The following FASTK variants were observed in gnomAD, a reference collection of about 807,000 sequenced individuals.
The protein encoded by FASTK is fas-activated serine/threonine kinase.
In FASTK, 28 loss-of-function variants were observed where a neutral mutation model predicts 60.0. The ratio of observed to expected loss-of-function variants is 0.47; its 90% CI spans 0.35 to 0.64. FASTK has a LOEUF of 0.64. FASTK is among the 30% of genes least tolerant of loss of function. The pLI is 0.01. For missense variants in FASTK, 595 were observed against 713.8 expected, an observed-to-expected ratio of 0.83 and a Z score of 1.90; for synonymous variants, 325 against 307.9, an observed-to-expected ratio of 1.06 and a Z score of -0.58.
At chr7:151,080,639 GCTCCCGCTGCC>G in intron 1 of FASTK, 35 bp downstream of exon 1, 1 of 1,416,386 alleles carries the variant, frequency 7.1e-7, no homozygotes. Flanking sequence ...GCTAACACCA[GCTCCCGCTGCC>G]CTCCCGCAGC....
chr7:151,076,775 T>TC lies in FASTK; in HGVS notation c.1599dup (p.Arg534GlufsTer14). On this transcript the variant is annotated frameshift_variant, in exon 10 of 10. Transcript: ENST00000297532. LOFTEE classifies it high-confidence loss of function. Reference sequence around the variant, plus strand: ...AGGCCCAGGGCCTGGAGCTTCTGCCTCAGGTAGCTCTTGAGCTGGGGCAGG... The same window carrying TC: ...AGGCCCAGGGCCTGGAGCTTCTGCCTCCAGGTAGCTCTTGAGCTGGGGCAGG... 6.2e-7 allele frequency: 1 copy of TC among 1,611,994 alleles called. No homozygotes were observed. Among genetic ancestry groups the TC allele is most frequent in the Non-Finnish European group, 8.5e-7 (1 of 1,179,286 alleles).
intron 2 of FASTK, 105 bp downstream of exon 2, chr7:151,079,395 G>A (rs1797854671): frequency 8.5e-7 from 1 of 1,171,332 alleles, no homozygotes; most frequent in Non-Finnish European, 1.2e-6. Flanking sequence ...AGCGTTCCTG[G>A]GCAAACGCCT....
chr7:151,078,726 G>A (rs1326769709), intron 3 of FASTK, 25 bp from the exon 4 acceptor site: 9 of 1,612,158 alleles, frequency 5.6e-6, no homozygotes, highest in Non-Finnish European at 7.6e-6. Context: ...CTGTCACGCT[G>A]GGCCTCAGCC....
chr7:151,077,050 CAG>C (rs1797693905), intron 8 of FASTK, 23 bp from the exon 9 acceptor site: 2 of 1,610,380 alleles, frequency 1.2e-6, no homozygotes, highest in Admixed American at 1.7e-5. Flanking sequence ...GGACGTGGCT[CAG>C]GGCATGGCGG....
chr7:151,078,072 C>T lies in FASTK; in HGVS notation c.846G>A (p.Leu282=), dbSNP rs1035032655. 1 of 1,595,804 alleles carries T rather than the reference C, an allele frequency of 6.3e-7. No individual in the cohort carries two copies. Among genetic ancestry groups the T allele is most frequent in the Non-Finnish European group, 8.6e-7 (1 of 1,165,660 alleles). The change falls in exon 5 of 10, where the codon CTG becomes CTA. Residue 282 remains leucine, a synonymous_variant. Transcript: ENST00000297532. ...GCAGGTAGTTCAGTCGCCCAAAGGG[C>T]AGGACCAACTTCTGTACCACCTGTG... is the stretch of plus-strand genomic sequence containing the variant. ...LSSKVVQKLV[L]PFGRLNYLPL...
chr7:151,076,993 A>G lies in FASTK; in HGVS notation c.1462T>C (p.Cys488Arg). The stretch of plus-strand genomic sequence containing the variant: ...CCCAGCAGCACCCGGCCGTCCCGGC[A>G]GAAATGCCAGCGTTCCCGCAACACC... ...VLVLRERWHF[C>R]RDGRVLLGSR... Residue 488 changes from cysteine to arginine, a missense_variant, in exon 9 of 10, where the codon TGC becomes CGC. Physicochemically the swap from Cys to Arg is radical, Grantham distance 180. Around this residue, in one of 2 missense-constraint regions of FASTK, gnomAD observed 471 missense variants for 605.9 expected, o/e 0.78. Coordinates refer to ENST00000297532, the MANE Select transcript of FASTK (RefSeq NM_006712.5). 6.2e-7 allele frequency: 1 copy of G among 1,612,562 alleles called. No homozygotes were observed.
chr7:151,079,653 G>A lies in FASTK; in HGVS notation c.352C>T (p.Leu118Phe), dbSNP rs1797872265. 6.2e-7 allele frequency: 1 copy of A among 1,613,032 alleles called. No individual in the cohort carries two copies. Among genetic ancestry groups the A allele is most frequent in the Non-Finnish European group, 8.5e-7 (1 of 1,179,850 alleles). ...CCCAAGAGCTGGCCCAGACGACGAA[G>A]CGCCACCGAGTAGTGGTGGGCGCGC... ...KVRAHHYSVA[L>F]RRLGQLLGSR... The change falls in exon 2 of 10, where the codon CTT (leucine) becomes TTT (phenylalanine). Residue 118 changes from leucine to phenylalanine, a missense_variant. Coordinates refer to ENST00000297532, the MANE Select transcript of FASTK (RefSeq NM_006712.5).
chr7:151,079,215 G>A, intron 2 of FASTK, 194 bp from the exon 3 acceptor site: 1 of 592,462 alleles, frequency 1.7e-6, no homozygotes, highest in Non-Finnish European at 2.9e-6. Flanking sequence ...TTTGTAGGGA[G>A]TACATACAAA....
Position 151,080,712 on chromosome 7 carries a change from C to G in FASTK, c.55G>C (p.Ala19Pro). ...GPRAPRPTEG[A>P]TCAGPGESWS... ...GACTCCCCGGGCCCTGCGCAGGTCG[C>G]TCCCTCAGTCGGTCTCGGGGCCCGG... The change falls in exon 1 of 10, where the codon GCG (alanine) becomes CCG (proline). Residue 19 changes from alanine to proline, a missense_variant. Physicochemically the swap from Ala to Pro is conservative, Grantham distance 27. Coordinates refer to ENST00000297532, the MANE Select transcript of FASTK (RefSeq NM_006712.5). The G allele has an allele frequency of 7.3e-7, 1 of 1,370,110 alleles. No homozygotes were observed. The highest frequency in any genetic ancestry group is 9.4e-7 in the Non-Finnish European group (1 of 1,063,870). 84.9% of individuals were successfully genotyped at this position (1,370,110 alleles called of 1,614,324 possible).
Position 151,078,914 on chromosome 7 carries a change from C to A in FASTK, c.613G>T (p.Gly205Trp). The A allele has an allele frequency of 6.3e-7, 1 of 1,582,782 alleles. No individual in the cohort carries two copies. The highest frequency in any genetic ancestry group is 8.5e-7 in the Non-Finnish European group (1 of 1,170,028). The change falls in exon 3 of 10, where the codon GGG becomes TGG. Residue 205 changes from glycine to tryptophan, a missense_variant. Coordinates refer to ENST00000297532, the MANE Select transcript of FASTK (RefSeq NM_006712.5). The stretch of plus-strand genomic sequence containing the variant: ...GGGCAGCTTAGAGCAGCTTCCAACC[C>A]TTGCCCACCTCGGAGAAGGGGCTGC... Reference protein sequence around the residue: ...PLQPLLRGGQGLEAALSCPRF... With the variant: ...PLQPLLRGGQWLEAALSCPRF...
At chr7:151,079,442 C>T (rs1323080024) in intron 2 of FASTK, 58 bp downstream of exon 2, 2 of 1,485,076 alleles carry the variant, frequency 1.3e-6, no homozygotes, top group Non-Finnish European at 1.8e-6. Context: ...CTCTACTGTT[C>T]TCCCTATTCT....
chr7:151,079,327 G>A (rs1797849108), intron 2 of FASTK, 173 bp downstream of exon 2: 4 of 675,792 alleles, frequency 5.9e-6, no homozygotes, highest in South Asian at 2.2e-5. Context: ...TAGCGAGGCC[G>A]GAAGGAGTGC....
rs7262 is a variant in FASTK at position 151,076,720 on chromosome 7, A to T, written c.*5T>A. On this transcript the variant is annotated 3_prime_UTR_variant, in exon 10 of 10. Transcript: ENST00000297532. ...GGGGGCCATCCTGAACCCCACATCA[A>T]CCCCTCAGCCCCCTTCAGGCCCCCA... The T allele has an allele frequency of 0.52, 802,354 of 1,541,900 alleles. 215,468 individuals are homozygous for T. The highest frequency in any genetic ancestry group is 0.85 in the African/African-American group (61,358 of 72,334).
intron 2 of FASTK, 126 bp downstream of exon 2, chr7:151,079,374 G>A (rs1047718378): frequency 1.1e-6 from 1 of 923,914 alleles, no homozygotes; most frequent in African/African-American, 1.7e-5. Flanking sequence ...CATAGGACGG[G>A]AGCAGGAGCA....
At position 151,078,009 on chromosome 7, in the gene FASTK, G is replaced by A. The variant is rs767998321; in HGVS notation, c.909C>T (p.Ile303=). ...GTGCCACCCCTGCTTCCCGAGCCAG[G>A]ATCCTCTCAAGGCAGGGCATAAACT... ...EQQFMPCLER[I]LAREAGVAPL... is the part of the protein sequence containing the mutation. Residue 303 remains isoleucine (I), a synonymous_variant, in exon 5 of 10, where the codon ATC becomes ATT. Coordinates refer to ENST00000297532, the MANE Select transcript of FASTK (RefSeq NM_006712.5). The A allele has an allele frequency of 2.5e-6, 4 of 1,612,594 alleles. No homozygotes were observed. The Admixed American group carries it at 5.0e-5, about 20-fold the overall frequency.
At chr7:151,079,321 G>A (rs1001844773) in intron 2 of FASTK, 179 bp downstream of exon 2, 10 of 655,526 alleles carry the variant, frequency 1.5e-5, no homozygotes, top group South Asian at 6.7e-5. Flanking sequence ...GCACCCTAGC[G>A]AGGCCGGAAG....
At chr7:151,078,445 G>A in intron 4 of FASTK, 117 bp downstream of exon 4, 15 of 1,159,156 alleles carry the variant, frequency 1.3e-5, no homozygotes, top group Non-Finnish European at 1.8e-5. Flanking sequence ...CAGGTCCCAG[G>A]GGACAGAGAG....
At position 151,076,985 on chromosome 7, in the gene FASTK, G is replaced by C. The variant is rs768577800; in HGVS notation, c.1470C>G (p.Asp490Glu). The C allele has an allele frequency of 1.2e-6, 2 of 1,612,422 alleles. No homozygotes were observed. The highest frequency in any genetic ancestry group is 1.1e-5 in the South Asian group (1 of 91,066). Residue 490 changes from aspartate (D) to glutamate (E), a missense_variant, in exon 9 of 10, where the codon GAC becomes GAG. This residue lies in a region of FASTK where 471 missense variants were observed against 605.9 expected (regional missense o/e 0.78). Transcript: ENST00000297532. ...VLRERWHFCR[D>E]GRVLLGSRAL... is the part of the protein sequence containing the mutation. ...CCCTCGAGCCCAGCAGCACCCGGCC[G>C]TCCCGGCAGAAATGCCAGCGTTCCC...
Position 151,080,725 on chromosome 7 carries a change from T to C in FASTK, c.42A>G (p.Arg14=). 7.5e-6 allele frequency: 10 copies of C among 1,331,044 alleles called. No homozygotes were observed. The highest frequency in any genetic ancestry group is 8.6e-6 in the Non-Finnish European group (9 of 1,041,094). The allele number at this position is 1,331,044 out of a possible 1,614,324, so 82.5% of individuals were successfully genotyped here. The change falls in exon 1 of 10, where the codon AGA becomes AGG. Residue 14 remains arginine (R), a synonymous_variant. Transcript: ENST00000297532. ...CTGCGCAGGTCGCTCCCTCAGTCGG[T>C]CTCGGGGCCCGGGGGCCGGGTTCCC... ...PRGEPGPRAP[R]PTEGATCAGP...
Sources: gnomAD v4.1 joint callset for allele counts on GRCh38, gnomAD v4.1.1 for gene constraint, gnomAD v4.1.1 regional missense constraint, MANE v1.5 for transcripts, NCBI Gene and HGNC (gene_info 2026-07-23, HGNC 2026-07-21) for gene names.